The following PNKD variants were observed in gnomAD, a reference collection of about 807,000 sequenced individuals.
PNKD encodes PNKD metallo-beta-lactamase domain containing, also known as probable thioesterase PNKD.
In PNKD, 36 loss-of-function variants were observed where a neutral mutation model predicts 45.3. That is an observed-to-expected ratio of 0.80 (90% confidence interval 0.61 to 1.05). PNKD has a LOEUF of 1.05. Ranked by LOEUF, PNKD falls within the 50% of genes least tolerant of loss-of-function variation. The probability of loss-of-function intolerance (pLI) is 0.00; values close to 1 mark genes in which losing one functional copy is unlikely to be tolerated. For missense variants in PNKD, 511 were observed against 506.6 expected (o/e 1.01, Z -0.08); for synonymous variants, 197 against 210.1 (o/e 0.94, Z 0.54).
At chr2:218,277,616 T>G (rs756835711) in intron 2 of PNKD, 89 of 1,614,052 alleles carry the variant, frequency 5.5e-5, no homozygotes, top group Non-Finnish European at 7.1e-5. Context: ...AGAGTGGTGC[T>G]TTATCCCTGA....
In PNKD at chr2:218,344,440, C is replaced by G. The variant is rs754833716; in HGVS notation, c.869-15C>G. 9 of 1,536,620 alleles carry G rather than the reference C, an allele frequency of 5.9e-6. No individual in the cohort carries two copies. Among genetic ancestry groups the G allele is most frequent in the Non-Finnish European group, 8.0e-6 (9 of 1,129,340 alleles). On this transcript the variant is annotated splice_polypyrimidine_tract_variant and intron_variant, in intron 8 of 9. Coordinates refer to ENST00000273077, the MANE Select transcript of PNKD (RefSeq NM_015488.5). ...CTCTCTCTGCTCTGTGTCTCACCCT[C>G]ATGGCTGTCGGTAGGTCATGAGTAT...
intron 2 of PNKD, among the ~76,000 whole-genome samples, chr2:218,297,570 A>G (rs1693169639): frequency 6.6e-6 from 1 of 151,802 alleles, no homozygotes; most frequent in Non-Finnish European, 1.5e-5. Context: ...CTGTAGTCCC[A>G]GCTACACCGG....
intron 2 of PNKD, among the ~76,000 whole-genome samples, chr2:218,283,095 G>A (rs1692201191): frequency 6.6e-6 from 1 of 152,150 alleles, no homozygotes; most frequent in Admixed American, 6.5e-5. Context: ...GGAGGACAAA[G>A]AGCTGAGGAG....
At chr2:218,295,756 G>A (rs1216592323) in intron 2 of PNKD, among the ~76,000 whole-genome samples, 1 of 152,034 alleles carries the variant, frequency 6.6e-6, no homozygotes, top group Non-Finnish European at 1.5e-5. Context: ...GGGTTGGGGA[G>A]GCTCTGGTGG....
chr2:218,281,261 G>C (rs1349064304), intron 2 of PNKD, among the ~76,000 whole-genome samples: 2 of 150,666 alleles, frequency 1.3e-5, no homozygotes, highest in African/African-American at 4.9e-5. Context: ...TCAGCCTCCT[G>C]AGTAGCTGGG....
chr2:218,298,465 C>CT (rs1388904230), intron 2 of PNKD, among the ~76,000 whole-genome samples: 1 of 152,146 alleles, frequency 6.6e-6, no homozygotes, highest in Non-Finnish European at 1.5e-5. Context: ...TACTTAACTG[C>CT]TGTGAGCCTT....
chr2:218,321,253 T>C (rs2106272877), intron 2 of PNKD, among the ~76,000 whole-genome samples: 1 of 152,334 alleles, frequency 6.6e-6, no homozygotes, highest in South Asian at 2.1e-4. Context: ...CTTTTGATGA[T>C]GCCTCCATGA....
intron 2 of PNKD, chr2:218,286,829 T>G (rs1021932417): frequency 2.0e-5 from 3 of 147,394 alleles, no homozygotes; most frequent in Non-Finnish European, 3.0e-5. Flanking sequence ...CAGCCTGCCC[T>G]CCTCCCTGCC....
At chr2:218,305,663 G>A (rs1693386198) in intron 2 of PNKD, among the ~76,000 whole-genome samples, 1 of 152,030 alleles carries the variant, frequency 6.6e-6, no homozygotes. Context: ...CAGCCCAGAG[G>A]TCAGAGTCTT....
At chr2:218,323,487 G>A in intron 2 of PNKD, 9 of 1,444,100 alleles carry the variant, frequency 6.2e-6, no homozygotes, top group African/African-American at 1.5e-5. Flanking sequence ...GCTGGGAGAG[G>A]GGACTGGGAG....
chr2:218,336,022 T>C (rs1354453194), intron 2 of PNKD, among the ~76,000 whole-genome samples: 4 of 151,812 alleles, frequency 2.6e-5, no homozygotes, highest in Middle Eastern at 6.8e-3. Context: ...TGAGACCATC[T>C]TGGCCAACAT....
intron 2 of PNKD, chr2:218,290,092 G>T (rs866793138): frequency 6.6e-6 from 1 of 152,156 alleles, no homozygotes; most frequent in African/African-American, 2.4e-5. Context: ...TGGAGAAACA[G>T]AATCACCTAG....
At chr2:218,289,757 T>C (rs1229347970) in intron 2 of PNKD, among the ~76,000 whole-genome samples, 2 of 151,888 alleles carry the variant, frequency 1.3e-5, no homozygotes, top group African/African-American at 4.8e-5. Flanking sequence ...AGGGGGTCAC[T>C]ACTGATGTGC....
intron 2 of PNKD, among the ~76,000 whole-genome samples, chr2:218,336,097 C>T (rs1213277836): frequency 6.6e-6 from 1 of 151,532 alleles, no homozygotes; most frequent in Non-Finnish European, 1.5e-5. Context: ...TGCCTGTAAT[C>T]CCAGCTACTC....
chr2:218,278,087 C>A, intron 2 of PNKD: 1 of 1,263,804 alleles, frequency 7.9e-7, no homozygotes, highest in South Asian at 1.3e-5. Context: ...AGCCTTGACT[C>A]CAAGGAGGGA....
At chr2:218,339,920 C>G (rs369894123) in intron 3 of PNKD, 22 bp downstream of exon 3, 2 of 1,546,040 alleles carry the variant, frequency 1.3e-6, no homozygotes, top group African/African-American at 2.7e-5. Context: ...CTGCCCCGGC[C>G]AGCATCCCCC....
chr2:218,295,465 G>C (rs1401401844), intron 2 of PNKD, among the ~76,000 whole-genome samples: 1 of 152,206 alleles, frequency 6.6e-6, no homozygotes, highest in Non-Finnish European at 1.5e-5. Context: ...TGGGGAATGG[G>C]GTGGGGGTTC....
Position 218,326,909 on chromosome 2 carries a change from G to A in PNKD, c.237-12874G>A, listed in dbSNP as rs537398645. ...GCCCAAACCCGGGAGGAGGCAGGCC[G>A]TGGCAAGCTCCCCAGAAGCAGCACA... On this transcript the variant is annotated intron_variant, in intron 2 of 9. Transcript: ENST00000273077. The surrounding 1 kb of genome is among the most constrained non-coding windows in gnomAD (Gnocchi z 4.1). The A allele has an allele frequency of 9.8e-5, 15 of 152,620 alleles. No individual in the cohort carries two copies. The highest frequency in any genetic ancestry group is 2.9e-4 in the African/African-American group (12 of 41,582). 9.5% of individuals were successfully genotyped at this position (152,620 alleles called of 1,614,324 possible).
chr2:218,314,107 G>C (rs1011331394), intron 2 of PNKD, among the ~76,000 whole-genome samples: 7 of 151,488 alleles, frequency 4.6e-5, no homozygotes, highest in Non-Finnish European at 1.0e-4. Flanking sequence ...ATTTTTAGTA[G>C]AGACAGGGTT....
Sources: gnomAD v4.1 joint callset for allele counts (sites outside exome capture counted in the v4.1 genomes callset) on GRCh38, gnomAD v4.1.1 for gene constraint, Gnocchi (gnomAD v3.1) non-coding constraint, MANE v1.5 for transcripts, NCBI Gene and HGNC (gene_info 2026-07-23, HGNC 2026-07-21) for gene names.